The following PCED1B variants were observed in gnomAD, a reference collection of about 807,000 sequenced individuals.
PCED1B encodes PC-esterase domain-containing protein 1B.
For missense variants in PCED1B, 573 were observed against 573.9 expected (o/e 1.00, Z 0.02); for synonymous variants, 251 against 246.1 (o/e 1.02, Z -0.19).
At chr12:47,194,408 C>G (rs1449337992) in intron 2 of PCED1B, among the ~76,000 whole-genome samples, 1 of 152,134 alleles carries the variant, frequency 6.6e-6, no homozygotes, top group African/African-American at 2.4e-5. Flanking sequence ...CTCCTGACCT[C>G]GTGATCCACC....
At chr12:47,095,461 A>G (rs1254716504) in intron 1 of PCED1B, among the ~76,000 whole-genome samples, 1 of 152,160 alleles carries the variant, frequency 6.6e-6, no homozygotes, top group Non-Finnish European at 1.5e-5. Flanking sequence ...ACATCAATAC[A>G]TAGATATTCT....
At chr12:47,203,997 A>G (rs1290892358) in intron 2 of PCED1B, among the ~76,000 whole-genome samples, 1 of 152,082 alleles carries the variant, frequency 6.6e-6, no homozygotes, top group East Asian at 1.9e-4. Flanking sequence ...CCTCGCCAGC[A>G]TCTGTTGTTT....
At chr12:47,118,624 T>C (rs971821563) in intron 2 of PCED1B, among the ~76,000 whole-genome samples, 1 of 152,234 alleles carries the variant, frequency 6.6e-6, no homozygotes, top group Non-Finnish European at 1.5e-5. Flanking sequence ...TCAGGTAGCA[T>C]GATGCCCCCA....
At chr12:47,188,333 C>T (rs10881066) in intron 2 of PCED1B, among the ~76,000 whole-genome samples, 64,819 of 151,990 alleles carry the variant, frequency 0.43, 16,812 homozygotes, top group South Asian at 0.59. Flanking sequence ...TGATGTCCCA[C>T]ACAAAAGCCC....
chr12:47,143,824 A>G (rs576637613), intron 2 of PCED1B, among the ~76,000 whole-genome samples: 3 of 130,244 alleles, frequency 2.3e-5, no homozygotes, highest in Non-Finnish European at 5.2e-5. Flanking sequence ...ACAAAGCTAT[A>G]GTAATCAAAA....
intron 2 of PCED1B, among the ~76,000 whole-genome samples, chr12:47,203,217 G>T (rs970489856): frequency 3.9e-5 from 6 of 152,000 alleles, no homozygotes; most frequent in African/African-American, 1.4e-4. Context: ...TGATCCACCT[G>T]CCTCGGCCTC....
chr12:47,116,523 A>G (rs575465286), intron 2 of PCED1B, among the ~76,000 whole-genome samples: 18 of 152,336 alleles, frequency 1.2e-4, no homozygotes, highest in African/African-American at 4.1e-4. Flanking sequence ...AAAAAACACC[A>G]TCAGATAAGA....
chr12:47,118,690 A>G (rs1157240080), intron 2 of PCED1B, among the ~76,000 whole-genome samples: 1 of 152,044 alleles, frequency 6.6e-6, no homozygotes, highest in African/African-American at 2.4e-5. Flanking sequence ...TTTTGGTTCC[A>G]TATGAACTTT....
intron 2 of PCED1B, among the ~76,000 whole-genome samples, chr12:47,192,659 G>A (rs979396318): frequency 1.3e-5 from 2 of 152,188 alleles, no homozygotes; most frequent in African/African-American, 4.8e-5. Context: ...CTGTGACTTT[G>A]ATACATCATT....
chr12:47,128,581 T>C (rs994372962), intron 2 of PCED1B, among the ~76,000 whole-genome samples: 4 of 152,230 alleles, frequency 2.6e-5, no homozygotes, highest in African/African-American at 9.6e-5. Flanking sequence ...CTTGTATCAA[T>C]AATATAGATT....
chr12:47,160,341 C>A (rs1333248497), intron 2 of PCED1B, among the ~76,000 whole-genome samples: 1 of 127,034 alleles, frequency 7.9e-6, no homozygotes, highest in Non-Finnish European at 1.6e-5. Context: ...TCTCTGTCAC[C>A]CAGGTTGGAG....
In PCED1B at chr12:47,235,264, G is replaced by C. The variant is rs760167355; in HGVS notation, c.201G>C (p.Arg67=). The change falls in exon 4 of 4, where the codon CGG becomes CGC. Residue 67 remains arginine (R), a synonymous_variant. Transcript: ENST00000546455. ...EQDELVDGGQ[R]GHMHNGLNYR... is the part of the protein sequence containing the mutation. The stretch of plus-strand genomic sequence containing the variant: ...ATGAGCTGGTGGACGGAGGCCAGCG[G>C]GGCCACATGCACAACGGCCTTAACT... 5 of 1,614,080 alleles carry C rather than the reference G, an allele frequency of 3.1e-6. No homozygotes were observed. In the South Asian group the frequency reaches 5.5e-5, roughly 18 times the overall value.
rs565910898 is a variant in PCED1B, at chr12:47,085,573, T to C, written c.-609+5848T>C. Among the ~76,000 whole-genome samples the C allele has an allele frequency of 1.2e-4, 19 of 152,324 alleles. No homozygotes were observed. The South Asian group carries it at 3.9e-3, about 32-fold the overall frequency. ...GGTATGATATACATTCTTACTGAAA[T>C]AATGTGGCAGGGGACTATCTGGTGA... On this transcript the variant is annotated intron_variant, in intron 1 of 3. Coordinates refer to ENST00000546455, the MANE Select transcript of PCED1B (RefSeq NM_138371.3).
At chr12:47,088,701 C>T (rs1190668761) in intron 1 of PCED1B, among the ~76,000 whole-genome samples, 1 of 152,132 alleles carries the variant, frequency 6.6e-6, no homozygotes, top group African/African-American at 2.4e-5. Context: ...TCCTTGGCAG[C>T]TGTTGTATAG....
chr12:47,232,266 C>A (rs1943830987), intron 3 of PCED1B, among the ~76,000 whole-genome samples: 1 of 152,162 alleles, frequency 6.6e-6, no homozygotes, highest in South Asian at 2.1e-4. Context: ...GCTGGGATTA[C>A]AAACATAAGC....
chr12:47,227,343 T>C (rs568222759), intron 3 of PCED1B, among the ~76,000 whole-genome samples: 2 of 152,070 alleles, frequency 1.3e-5, no homozygotes, highest in African/African-American at 4.8e-5. Context: ...ACATAATTTT[T>C]GTAGTCTTGT....
chr12:47,160,707 A>G (rs151164354), intron 2 of PCED1B, among the ~76,000 whole-genome samples: 2 of 152,134 alleles, frequency 1.3e-5, no homozygotes, highest in East Asian at 3.9e-4. Context: ...ACAGTTTTAG[A>G]TTTTACATTT....
intron 1 of PCED1B, among the ~76,000 whole-genome samples, chr12:47,083,946 CAT>C (rs967741889): frequency 3.5e-4 from 53 of 152,156 alleles, no homozygotes; most frequent in African/African-American, 1.2e-3. Context: ...ATAAAATCCA[CAT>C]GACATAAAAT....
At chr12:47,172,578 G>A (rs2137560362) in intron 2 of PCED1B, among the ~76,000 whole-genome samples, 1 of 152,276 alleles carries the variant, frequency 6.6e-6, no homozygotes, top group East Asian at 1.9e-4. Context: ...GAAATAGCAT[G>A]AATTTTGTGG....
Sources: allele counts gnomAD v4.1 joint callset (sites outside exome capture counted in the v4.1 genomes callset), GRCh38; gene constraint gnomAD v4.1.1; transcripts MANE v1.5; gene names NCBI Gene and HGNC (gene_info 2026-07-23, HGNC 2026-07-21).